SDHAF3: variants seen among roughly 807,000 people sequenced by gnomAD.
SDHAF3 encodes the protein succinate dehydrogenase complex assembly factor 3.
Under a neutral mutation model 11.5 loss-of-function variants are expected in SDHAF3, and 18 were observed. That is an observed-to-expected ratio of 1.56 (90% CI 1.08 to 2.32). SDHAF3 has a LOEUF of 2.32. SDHAF3 is among the 30% of genes most tolerant of loss of function. SDHAF3 has a pLI of 0.00. For synonymous variants in SDHAF3, 72 were observed against 59.3 expected (o/e 1.21, Z -0.99); for missense variants, 200 against 154.4 (o/e 1.30, Z -1.57).
intron 1 of SDHAF3, among the ~76,000 whole-genome samples, chr7:97,119,796 T>G (rs1326348830): frequency 1.3e-5 from 2 of 152,180 alleles, no homozygotes; most frequent in Non-Finnish European, 2.9e-5. Flanking sequence ...TCTGTTACTT[T>G]GTGGAATGTA....
At chr7:97,176,313 T>G (rs2115750682) in intron 1 of SDHAF3, among the ~76,000 whole-genome samples, 1 of 152,286 alleles carries the variant, frequency 6.6e-6, no homozygotes, top group South Asian at 2.1e-4. Flanking sequence ...CACATTCTCT[T>G]TGGTTCAAGA....
At chr7:97,130,179 G>T (rs1263535439) in intron 1 of SDHAF3, among the ~76,000 whole-genome samples, 2 of 151,928 alleles carry the variant, frequency 1.3e-5, no homozygotes, top group Admixed American at 1.3e-4. Context: ...GGCTAAGGCA[G>T]GAGAATTGCT....
intron 1 of SDHAF3, among the ~76,000 whole-genome samples, chr7:97,154,765 T>G (rs2115701063): frequency 6.6e-6 from 1 of 152,342 alleles, no homozygotes; most frequent in East Asian, 1.9e-4. Context: ...TTTGATAACT[T>G]TATGTTTTAC....
chr7:97,161,038 T>C (rs921743225), intron 1 of SDHAF3, among the ~76,000 whole-genome samples: 2 of 152,202 alleles, frequency 1.3e-5, no homozygotes, highest in African/African-American at 4.8e-5. Context: ...GTAGAAACTG[T>C]GCTTTGCATT....
At chr7:97,143,059 C>T (rs1235028940) in intron 1 of SDHAF3, among the ~76,000 whole-genome samples, 1 of 151,754 alleles carries the variant, frequency 6.6e-6, no homozygotes, top group Non-Finnish European at 1.5e-5. Flanking sequence ...GCCACCACAT[C>T]TGGCGAATTT....
chr7:97,153,356 G>C (rs1249337947), intron 1 of SDHAF3, among the ~76,000 whole-genome samples: 2 of 152,164 alleles, frequency 1.3e-5, no homozygotes, highest in Non-Finnish European at 2.9e-5. Flanking sequence ...ATGCGTTTAA[G>C]TTTCCTATGT....
chr7:97,159,527 A>G (rs975486385), intron 1 of SDHAF3, among the ~76,000 whole-genome samples: 6 of 152,200 alleles, frequency 3.9e-5, no homozygotes, highest in African/African-American at 1.4e-4. Flanking sequence ...GGAGAGTTCT[A>G]AGTCAAGCAA....
chr7:97,146,220 T>A (rs1048107966), intron 1 of SDHAF3, among the ~76,000 whole-genome samples: 5 of 152,204 alleles, frequency 3.3e-5, no homozygotes, highest in African/African-American at 1.2e-4. Context: ...CCTTTTTAAA[T>A]GTGCTGATGT....
rs545371973 is a variant in SDHAF3, at chr7:97,132,646, C to G, written c.174+14749C>G. ...CCATTTTAATTTTTTACCTTTTTCC[C>G]CTATGTTTTATAGAAGGTGAATGAA... On this transcript the variant is annotated intron_variant, in intron 1 of 1. Coordinates refer to ENST00000432641, the MANE Select transcript of SDHAF3 (RefSeq NM_020186.3). Among the ~76,000 whole-genome samples the G allele has an allele frequency of 2.6e-5, 4 of 152,118 alleles. No individual in the cohort carries two copies. The East Asian group carries it at 7.7e-4, about 29-fold the overall frequency.
intron 1 of SDHAF3, among the ~76,000 whole-genome samples, chr7:97,174,860 T>A (rs1789656407): frequency 6.6e-6 from 1 of 152,226 alleles, no homozygotes; most frequent in Non-Finnish European, 1.5e-5. Flanking sequence ...CTATTTTTCC[T>A]TTATTACTTC....
chr7:97,164,135 G>A (rs946730037), intron 1 of SDHAF3, among the ~76,000 whole-genome samples: 5 of 151,014 alleles, frequency 3.3e-5, no homozygotes, highest in African/African-American at 9.7e-5. Flanking sequence ...TAGTAGAGAC[G>A]AGGTTTCACC....
At chr7:97,133,599 T>G (rs940823903) in intron 1 of SDHAF3, among the ~76,000 whole-genome samples, 1 of 152,202 alleles carries the variant, frequency 6.6e-6, no homozygotes, top group Admixed American at 6.5e-5. Context: ...TCTGTTGAGG[T>G]ATTATTGTTA....
At chr7:97,141,191 C>T (rs922316890) in intron 1 of SDHAF3, among the ~76,000 whole-genome samples, 1 of 152,146 alleles carries the variant, frequency 6.6e-6, no homozygotes, top group African/African-American at 2.4e-5. Flanking sequence ...AACACTGTCT[C>T]CTGATAAGAT....
intron 1 of SDHAF3, among the ~76,000 whole-genome samples, chr7:97,147,612 T>TG (rs1199925170): frequency 1.3e-5 from 2 of 152,190 alleles, no homozygotes; most frequent in Admixed American, 6.5e-5. Context: ...CATGCTGCCA[T>TG]GGGGGAGTGC....
intron 1 of SDHAF3, among the ~76,000 whole-genome samples, chr7:97,142,075 A>C (rs1789057545): frequency 1.2e-5 from 1 of 85,010 alleles, no homozygotes; most frequent in African/African-American, 5.2e-5. Context: ...TTTTTTTGAG[A>C]CAGTGTCTCG....
chr7:97,143,664 ACTGT>A (rs551967262), intron 1 of SDHAF3, among the ~76,000 whole-genome samples: 293 of 112,454 alleles, frequency 2.6e-3, no homozygotes, highest in African/African-American at 9.6e-3. Flanking sequence ...GTAGTGTTCC[ACTGT>A]GTGTGTGTGT....
chr7:97,147,042 A>G (rs1467658953), intron 1 of SDHAF3, among the ~76,000 whole-genome samples: 2 of 152,186 alleles, frequency 1.3e-5, no homozygotes, highest in African/African-American at 2.4e-5. Context: ...CGCCCGGCCA[A>G]TAGGTACTCT....
intron 1 of SDHAF3, among the ~76,000 whole-genome samples, chr7:97,152,052 T>G (rs1041472840): frequency 2.0e-5 from 3 of 152,186 alleles, no homozygotes; most frequent in African/African-American, 7.2e-5. Flanking sequence ...TTTAGACAAA[T>G]GTATAACGAC....
At chr7:97,149,229 G>A (rs1037968388) in intron 1 of SDHAF3, among the ~76,000 whole-genome samples, 1 of 152,044 alleles carries the variant, frequency 6.6e-6, no homozygotes, top group East Asian at 1.9e-4. Flanking sequence ...GAGCCACCGT[G>A]CCTGGCTGAT....
Sources: allele counts gnomAD v4.1 joint callset (sites outside exome capture counted in the v4.1 genomes callset), GRCh38; gene constraint gnomAD v4.1.1; transcripts MANE v1.5; gene names NCBI Gene and HGNC (gene_info 2026-07-23, HGNC 2026-07-21).